Variants in PITPNM2 observed in about 807,000 individuals in gnomAD.
PITPNM2 encodes membrane-associated phosphatidylinositol transfer protein 2.
A neutral mutation model predicts 132.2 loss-of-function variants in PITPNM2; 35 were observed. The ratio of observed to expected loss-of-function variants is 0.26; its 90% confidence interval spans 0.20 to 0.35. PITPNM2 has a LOEUF of 0.35. Among genes scored for constraint, PITPNM2 ranks in the 10% least tolerant of loss-of-function variants. PITPNM2 has a pLI of 1.00. For synonymous variants in PITPNM2, 738 were observed against 799.2 expected (o/e 0.92, Z 1.29); for missense variants, 1,332 against 1,912.0 (o/e 0.70, Z 5.66).
At chr12:123,113,718 C>CG (rs1555298407) in intron 1 of PITPNM2, among the ~76,000 whole-genome samples, 21 of 151,976 alleles carry the variant, frequency 1.4e-4, no homozygotes, top group African/African-American at 4.1e-4. Flanking sequence ...CAAACCCCCC[C>CG]ACCCTTTCAA....
intron 1 of PITPNM2, among the ~76,000 whole-genome samples, chr12:123,134,209 G>A (rs993458838): frequency 2.0e-5 from 3 of 152,068 alleles, no homozygotes; most frequent in African/African-American, 4.8e-5. Flanking sequence ...GACTACAGAC[G>A]CGTGCCACCA....
intron 16 of PITPNM2, chr12:122,991,846 G>T: frequency 1.0e-5 from 13 of 1,306,442 alleles, no homozygotes; most frequent in Non-Finnish European, 1.2e-5. Flanking sequence ...GGGGGAGAGG[G>T]GCCAGGGGGC....
Position 123,099,176 on chromosome 12 carries a change from C to T in PITPNM2, c.-96+11209G>A, listed in dbSNP as rs1294200698. ...TTCAGTGGGCACAGCAAGCACCTGC[C>T]AGATAAGGGAGGCAACTGATTCCCT... On this transcript the variant is annotated intron_variant, in intron 2 of 25. Transcript: ENST00000320201. The surrounding 1 kb of genome is among the most constrained non-coding windows in gnomAD (Gnocchi z 4.2). Among the ~76,000 whole-genome samples, 2 of 152,020 alleles carry T rather than the reference C, an allele frequency of 1.3e-5. No homozygotes were observed. The highest frequency in any genetic ancestry group is 4.8e-5 in the African/African-American group (2 of 41,384).
In PITPNM2 at chr12:123,095,657, G is replaced by A. The variant is rs1353079427; in HGVS notation, c.-96+14728C>T. Among the ~76,000 whole-genome samples the A allele has an allele frequency of 1.3e-5, 2 of 152,138 alleles. No individual in the cohort carries two copies. The highest frequency in any genetic ancestry group is 4.8e-5 in the African/African-American group (2 of 41,428). ...CATCTAAGCTCCTTAACTAGGGCAC[G>A]AGGCCCCCAACCTGGTCCTCCCTGC... On this transcript the variant is annotated intron_variant, in intron 2 of 25. Transcript: ENST00000320201. This position sits in a 1 kb window ranked among gnomAD's most constrained non-coding sequence, Gnocchi z 5.0.
intron 3 of PITPNM2, chr12:123,034,306 CA>C: frequency 1.9e-6 from 1 of 535,226 alleles, no homozygotes; most frequent in Non-Finnish European, 3.3e-6. Flanking sequence ...TGCCGGAAAG[CA>C]ATCTGATGCC....
intron 1 of PITPNM2, among the ~76,000 whole-genome samples, chr12:123,131,787 G>C (rs1054411977): frequency 2.0e-5 from 3 of 152,190 alleles, no homozygotes; most frequent in East Asian, 1.9e-4. Flanking sequence ...CTGCTTACTG[G>C]AAGGGATCAT....
chr12:122,986,611 C>T (rs1299177918), intron 24 of PITPNM2, 35 bp downstream of exon 24: 1 of 1,602,954 alleles, frequency 6.2e-7, no homozygotes. Context: ...CCCTCTGCCC[C>T]CACCCCTGCC....
rs372228009 is a variant in PITPNM2, at chr12:123,000,740, C to T, written c.1224+38G>A. On this transcript the variant is annotated intron_variant, in intron 10 of 25. Transcript: ENST00000320201. The surrounding 1 kb of genome is among the most constrained non-coding windows in gnomAD (Gnocchi z 5.4). ...CCTCTGCACCCTGCCCCTCCCTTGG[C>T]GGCCATGCCCCTGTCCCTCTGACAC... 3.8e-5 allele frequency: 61 copies of T among 1,605,238 alleles called. No individual in the cohort carries two copies. Among genetic ancestry groups the T allele is most frequent in the Middle Eastern group, 1.6e-4 (1 of 6,076 alleles).
intron 2 of PITPNM2, chr12:123,090,367 A>T (rs1052653771): frequency 6.6e-6 from 1 of 152,264 alleles, no homozygotes; most frequent in Admixed American, 6.5e-5. Flanking sequence ...AGCAGAAACC[A>T]CATTTTCTTT....
chr12:123,011,883 C>G (rs539232621), intron 5 of PITPNM2, among the ~76,000 whole-genome samples: 171 of 152,282 alleles, frequency 1.1e-3, no homozygotes, highest in African/African-American at 3.9e-3. Flanking sequence ...GCCACTCATG[C>G]TATGACGCTT....
chr12:123,113,072 C>G (rs947547062), intron 1 of PITPNM2, among the ~76,000 whole-genome samples: 2 of 152,212 alleles, frequency 1.3e-5, no homozygotes, highest in African/African-American at 4.8e-5. Context: ...AAATAAATGT[C>G]AAACAAACAC....
In PITPNM2 at chr12:123,031,152, A is replaced by G. The variant is rs1169617171; in HGVS notation, c.78+3361T>C. Among the ~76,000 whole-genome samples the G allele has an allele frequency of 6.6e-6, 1 of 152,256 alleles. No individual in the cohort carries two copies. The highest frequency in any genetic ancestry group is 1.5e-5 in the Non-Finnish European group (1 of 68,042). The stretch of plus-strand genomic sequence containing the variant: ...TTAATGTTTTGTGAATTTCACCTCA[A>G]TAAAAGCAAAACAAGACAACAACCA... On this transcript the variant is annotated intron_variant, in intron 3 of 25. Coordinates refer to ENST00000320201, the MANE Select transcript of PITPNM2 (RefSeq NM_020845.3). This position sits in a 1 kb window ranked among gnomAD's most constrained non-coding sequence, Gnocchi z 4.5.
intron 2 of PITPNM2, among the ~76,000 whole-genome samples, chr12:123,052,152 C>G (rs1006293268): frequency 1.4e-5 from 2 of 142,972 alleles, no homozygotes; most frequent in Admixed American, 1.5e-4. Flanking sequence ...GTCTTGAACT[C>G]CTGACCTCAG....
chr12:123,059,608 G>C (rs900450642), intron 2 of PITPNM2, among the ~76,000 whole-genome samples: 4 of 152,244 alleles, frequency 2.6e-5, no homozygotes, highest in Non-Finnish European at 4.4e-5. Flanking sequence ...GGGAAGCTGG[G>C]AGCTCCACCC....
intron 2 of PITPNM2, among the ~76,000 whole-genome samples, chr12:123,105,073 GA>G (rs1280475268): frequency 6.6e-6 from 1 of 151,928 alleles, no homozygotes; most frequent in African/African-American, 2.4e-5. Flanking sequence ...CCAGTTTCCT[GA>G]ACATCCTGGA....
chr12:123,146,885 A>G (rs1250608759), intron 1 of PITPNM2, among the ~76,000 whole-genome samples: 7 of 152,158 alleles, frequency 4.6e-5, no homozygotes, highest in Admixed American at 4.6e-4. Flanking sequence ...AATCACTTCT[A>G]TTCTGCCAGC....
At chr12:123,027,754 T>C (rs1024932910) in intron 3 of PITPNM2, among the ~76,000 whole-genome samples, 1 of 152,176 alleles carries the variant, frequency 6.6e-6, no homozygotes, top group East Asian at 1.9e-4. Context: ...AGGTAAAGAT[T>C]GGTCAAATGA....
At position 122,990,528 on chromosome 12, in the gene PITPNM2, G is replaced by A. The variant is rs1159680856; in HGVS notation, c.2569+17C>T. On this transcript the variant is annotated intron_variant, in intron 17 of 25. Transcript: ENST00000320201. ...GCCCTGGCTGAGTGAGGAGGGTGAG[G>A]GGCCTGGTATACTCACTCTGGGCGA... is the stretch of plus-strand genomic sequence containing the variant. 1.9e-6 allele frequency: 3 copies of A among 1,611,994 alleles called. No homozygotes were observed. The highest frequency in any genetic ancestry group is 2.5e-6 in the Non-Finnish European group (3 of 1,179,676).
intron 2 of PITPNM2, among the ~76,000 whole-genome samples, chr12:123,047,284 A>G (rs1350500340): frequency 6.6e-6 from 1 of 152,244 alleles, no homozygotes; most frequent in Non-Finnish European, 1.5e-5. Context: ...TTTTGTAGGA[A>G]GTACAAACCT....
Sources: gnomAD v4.1 joint callset for allele counts (sites outside exome capture counted in the v4.1 genomes callset) on GRCh38, gnomAD v4.1.1 for gene constraint, Gnocchi (gnomAD v3.1) non-coding constraint, MANE v1.5 for transcripts, NCBI Gene and HGNC (gene_info 2026-07-23, HGNC 2026-07-21) for gene names.